XIRP2: variants seen among roughly 807,000 people sequenced by gnomAD.
The protein encoded by XIRP2 is xin actin-binding repeat-containing protein 2.
A neutral mutation model predicts 277.0 loss-of-function variants in XIRP2; 236 were observed. The observed-to-expected ratio is 0.85, with a 90% CI of 0.77 to 0.95. The LOEUF is 0.95. Ranked by LOEUF, XIRP2 falls within the 40% of genes least tolerant of loss-of-function variation. The pLI, the probability that XIRP2 is intolerant of heterozygous loss-of-function variation, is 0.00. For missense variants in XIRP2, 4,640 were observed against 4,157.5 expected, an observed-to-expected ratio of 1.12 and a Z score of -3.19; for synonymous variants, 1,490 against 1,416.5, an observed-to-expected ratio of 1.05 and a Z score of -1.17.
chr2:167,082,513 A>T (rs1390378288), intron 2 of XIRP2, among the ~76,000 whole-genome samples: 1 of 152,138 alleles, frequency 6.6e-6, no homozygotes, highest in African/African-American at 2.4e-5. Flanking sequence ...TCCCTGAGGA[A>T]TCGCCACACT....
At chr2:167,137,367 G>A (rs1008718820) in intron 3 of XIRP2, among the ~76,000 whole-genome samples, 8 of 152,160 alleles carry the variant, frequency 5.3e-5, no homozygotes, top group African/African-American at 1.9e-4. Flanking sequence ...TTTCTGGCCT[G>A]TGATTAAACT....
chr2:167,009,024 C>G (rs1380489853), intron 2 of XIRP2, among the ~76,000 whole-genome samples: 4 of 151,006 alleles, frequency 2.6e-5, no homozygotes, highest in Admixed American at 2.0e-4. Flanking sequence ...TTAGCCACTG[C>G]TGCAACTTCC....
intron 2 of XIRP2, among the ~76,000 whole-genome samples, chr2:166,962,392 G>A (rs899650811): frequency 6.6e-6 from 1 of 151,542 alleles, no homozygotes; most frequent in Non-Finnish European, 1.5e-5. Flanking sequence ...GCTTACAGGG[G>A]GGTAATATTG....
chr2:166,967,639 G>A (rs1686466997), intron 2 of XIRP2, among the ~76,000 whole-genome samples: 1 of 151,876 alleles, frequency 6.6e-6, no homozygotes, highest in African/African-American at 2.4e-5. Flanking sequence ...ACATAACCTT[G>A]TATAAATATG....
chr2:167,043,671 A>C (rs1387451836), intron 2 of XIRP2, among the ~76,000 whole-genome samples: 1 of 152,056 alleles, frequency 6.6e-6, no homozygotes, highest in Non-Finnish European at 1.5e-5. Context: ...ACAGACCAAT[A>C]ATGTGTTCTG....
At chr2:167,145,913 G>A (rs1407956095) in intron 3 of XIRP2, among the ~76,000 whole-genome samples, 1 of 151,792 alleles carries the variant, frequency 6.6e-6, no homozygotes, top group Non-Finnish European at 1.5e-5. Flanking sequence ...CAAACACACA[G>A]GAAAATAATT....
At chr2:167,108,357 C>T (rs1373855030) in intron 2 of XIRP2, among the ~76,000 whole-genome samples, 2 of 151,828 alleles carry the variant, frequency 1.3e-5, no homozygotes, top group Non-Finnish European at 2.9e-5. Context: ...TTTATTATTA[C>T]AGTCCTTCCA....
intron 2 of XIRP2, among the ~76,000 whole-genome samples, chr2:167,064,202 C>T (rs1415256122): frequency 4.0e-5 from 6 of 151,322 alleles, no homozygotes; most frequent in African/African-American, 1.5e-4. Context: ...TCAAACATAC[C>T]CATCACCTCA....
intron 2 of XIRP2, among the ~76,000 whole-genome samples, chr2:166,959,076 C>A (rs2105405092): frequency 6.6e-6 from 1 of 151,946 alleles, no homozygotes; most frequent in South Asian, 2.1e-4. Flanking sequence ...GAAAGCAGAG[C>A]ATCTCTGTGG....
chr2:167,072,513 C>T (rs550615710), intron 2 of XIRP2, among the ~76,000 whole-genome samples: 4 of 152,280 alleles, frequency 2.6e-5, no homozygotes, highest in African/African-American at 7.2e-5. Context: ...GCAATGATTA[C>T]ACTTCCCTTA....
At position 167,245,096 on chromosome 2, in the gene XIRP2, A is replaced by G. The variant is rs373600196; in HGVS notation, c.3704A>G (p.Asn1235Ser). 30 of 1,609,554 alleles carry G rather than the reference A, an allele frequency of 1.9e-5. No individual in the cohort carries two copies. The highest frequency in any genetic ancestry group is 2.3e-5 in the Non-Finnish European group (27 of 1,178,818). The part of the protein sequence containing the change: ...TLKTEDIQKG[N>S]VLNCRWLFEN... ...AAAACTGAAGATATTCAGAAAGGCA[A>G]TGTTTTAAATTGTAGGTGGCTTTTT... The change falls in exon 9 of 11, where the codon AAT becomes AGT. Residue 1235 changes from asparagine to serine, a missense_variant. Physicochemically the swap from Asn to Ser is conservative, Grantham distance 46. Coordinates refer to ENST00000409195, the MANE Select transcript of XIRP2 (RefSeq NM_152381.6).
intron 3 of XIRP2, among the ~76,000 whole-genome samples, chr2:167,200,459 A>G (rs1450838301): frequency 1.3e-5 from 2 of 152,360 alleles, no homozygotes; most frequent in African/African-American, 4.8e-5. Context: ...TGGAAAGAGC[A>G]GATCTGTCTC....
At chr2:167,035,325 G>A (rs1363776180) in intron 2 of XIRP2, among the ~76,000 whole-genome samples, 1 of 152,214 alleles carries the variant, frequency 6.6e-6, no homozygotes, top group Non-Finnish European at 1.5e-5. Flanking sequence ...CTAGAGACTT[G>A]TTGAATGCCT....
At chr2:166,931,669 G>C (rs1372893370) in intron 2 of XIRP2, among the ~76,000 whole-genome samples, 1 of 152,046 alleles carries the variant, frequency 6.6e-6, no homozygotes, top group African/African-American at 2.4e-5. Context: ...CCATTCTTTT[G>C]TGGGTGTGTA....
chr2:167,008,900 T>A (rs886440240), intron 2 of XIRP2, among the ~76,000 whole-genome samples: 5 of 151,508 alleles, frequency 3.3e-5, no homozygotes, highest in Non-Finnish European at 5.9e-5. Flanking sequence ...CCTTTCTGAG[T>A]TTAACACAAC....
chr2:167,254,853 G>A (rs1346067098), intron 10 of XIRP2, among the ~76,000 whole-genome samples: 2 of 151,298 alleles, frequency 1.3e-5, no homozygotes, highest in African/African-American at 4.9e-5. Context: ...TGAAGTAAAT[G>A]CATTTAACTG....
intron 2 of XIRP2, among the ~76,000 whole-genome samples, chr2:167,004,246 T>TG (rs767608868): frequency 1.3e-5 from 2 of 151,932 alleles, no homozygotes; most frequent in Non-Finnish European, 2.9e-5. Flanking sequence ...GGTATGCATA[T>TG]GATCTCATAA....
intron 2 of XIRP2, among the ~76,000 whole-genome samples, chr2:167,063,013 G>C (rs1194177225): frequency 6.6e-6 from 1 of 151,402 alleles, no homozygotes. Context: ...TGTTTTTCTA[G>C]TTTGTAGGCA....
At chr2:166,912,969 C>T (rs1437864366) in intron 2 of XIRP2, among the ~76,000 whole-genome samples, 2 of 152,146 alleles carry the variant, frequency 1.3e-5, no homozygotes, top group South Asian at 2.1e-4. Flanking sequence ...CTGGAAGCTT[C>T]GTCTCAGAGG....
Sources: gnomAD v4.1 joint callset for allele counts (sites outside exome capture counted in the v4.1 genomes callset) on GRCh38, gnomAD v4.1.1 for gene constraint, MANE v1.5 for transcripts, NCBI Gene and HGNC (gene_info 2026-07-23, HGNC 2026-07-21) for gene names.